NALF1: variants seen among roughly 807,000 people sequenced by gnomAD.
The protein encoded by NALF1 is family with sequence similarity 155 member A.
NALF1 carries 3 observed loss-of-function variants against 48.4 expected under a neutral mutation model. The observed-to-expected ratio is 0.06, with a 90% CI of 0.03 to 0.16. The LOEUF is 0.16. NALF1 is among the 10% of genes least tolerant of loss of function. NALF1 has a pLI of 1.00. For missense variants in NALF1, 526 were observed against 571.5 expected, an observed-to-expected ratio of 0.92 and a Z score of 0.81; for synonymous variants, 262 against 245.7, an observed-to-expected ratio of 1.07 and a Z score of -0.62.
At chr13:107,385,787 A>G (rs1315062357) in intron 1 of NALF1, among the ~76,000 whole-genome samples, 1 of 152,114 alleles carries the variant, frequency 6.6e-6, no homozygotes, top group East Asian at 1.9e-4. Flanking sequence ...ATATTTCTAC[A>G]TTTTTGTCCC....
intron 1 of NALF1, among the ~76,000 whole-genome samples, chr13:107,798,998 C>A (rs1034375502): frequency 2.0e-5 from 3 of 152,174 alleles, no homozygotes; most frequent in Non-Finnish European, 4.4e-5. Flanking sequence ...TAGAGAAATA[C>A]TGAGCCTTAG....
intron 1 of NALF1, among the ~76,000 whole-genome samples, chr13:107,648,735 T>G (rs534292105): frequency 6.6e-6 from 1 of 152,234 alleles, no homozygotes; most frequent in African/African-American, 2.4e-5. Flanking sequence ...GTAAAAATGT[T>G]TAGTTGTGTA....
intron 1 of NALF1, among the ~76,000 whole-genome samples, chr13:107,236,500 G>A (rs114501736): frequency 0.012 from 1,838 of 152,198 alleles, 30 homozygotes; most frequent in African/African-American, 0.042. Context: ...AATCAGAAGA[G>A]TCCCCAGAGC....
At chr13:107,387,165 A>G (rs1399617299) in intron 1 of NALF1, among the ~76,000 whole-genome samples, 2 of 152,196 alleles carry the variant, frequency 1.3e-5, no homozygotes, top group Non-Finnish European at 2.9e-5. Flanking sequence ...AATGTCTTAG[A>G]AATTTCGACG....
At chr13:107,722,350 C>A (rs1167563656) in intron 1 of NALF1, among the ~76,000 whole-genome samples, 1 of 152,082 alleles carries the variant, frequency 6.6e-6, no homozygotes, top group Non-Finnish European at 1.5e-5. Context: ...ACAGAGCAGT[C>A]GCAATCCTTG....
At chr13:107,416,767 T>C (rs1884096119) in intron 1 of NALF1, among the ~76,000 whole-genome samples, 1 of 152,202 alleles carries the variant, frequency 6.6e-6, no homozygotes, top group Non-Finnish European at 1.5e-5. Context: ...GTCACTTGAA[T>C]TATTGTATCC....
intron 1 of NALF1, among the ~76,000 whole-genome samples, chr13:107,685,134 G>A (rs1881403896): frequency 6.6e-6 from 1 of 152,148 alleles, no homozygotes; most frequent in Admixed American, 6.5e-5. Flanking sequence ...CTAACATGGT[G>A]AAGCCCCATG....
intron 1 of NALF1, among the ~76,000 whole-genome samples, chr13:107,323,667 C>T (rs1459955341): frequency 6.6e-6 from 1 of 152,250 alleles, no homozygotes; most frequent in East Asian, 1.9e-4. Context: ...GACTCTAGTA[C>T]CTGTACTACA....
chr13:107,288,822 C>T (rs922991260), intron 1 of NALF1, among the ~76,000 whole-genome samples: 11 of 152,044 alleles, frequency 7.2e-5, no homozygotes, highest in Non-Finnish European at 1.6e-4. Context: ...TGGGAGCCAC[C>T]GCGCCCAGCC....
chr13:107,370,909 G>C (rs1883238123), intron 1 of NALF1, among the ~76,000 whole-genome samples: 2 of 152,126 alleles, frequency 1.3e-5, no homozygotes, highest in African/African-American at 4.8e-5. Context: ...CAGATCTCCT[G>C]AGAACTTGCT....
At chr13:107,664,707 G>C (rs1159332565) in intron 1 of NALF1, among the ~76,000 whole-genome samples, 1 of 152,160 alleles carries the variant, frequency 6.6e-6, no homozygotes, top group African/African-American at 2.4e-5. Context: ...GCATTCTGTG[G>C]AGTTTTAATA....
At chr13:107,419,739 T>C (rs1884154921) in intron 1 of NALF1, among the ~76,000 whole-genome samples, 1 of 152,214 alleles carries the variant, frequency 6.6e-6, no homozygotes, top group Non-Finnish European at 1.5e-5. Flanking sequence ...AGAGGGAAAA[T>C]TATAAAATAT....
chr13:107,534,103 A>G (rs1340720773), intron 1 of NALF1, among the ~76,000 whole-genome samples: 1 of 152,068 alleles, frequency 6.6e-6, no homozygotes, highest in Non-Finnish European at 1.5e-5. Flanking sequence ...GCCCAGTGGC[A>G]TCAGCATCAC....
intron 1 of NALF1, among the ~76,000 whole-genome samples, chr13:107,820,862 A>G (rs943865660): frequency 6.6e-6 from 1 of 152,210 alleles, no homozygotes; most frequent in Non-Finnish European, 1.5e-5. Context: ...GAAACCCGGC[A>G]GCAAAATGCC....
chr13:107,713,872 A>G (rs1164311507), intron 1 of NALF1, among the ~76,000 whole-genome samples: 1 of 152,230 alleles, frequency 6.6e-6, no homozygotes, highest in Non-Finnish European at 1.5e-5. Context: ...AAAACCTTGA[A>G]TTTTAAAAAA....
intron 1 of NALF1, among the ~76,000 whole-genome samples, chr13:107,300,800 G>C (rs1490412579): frequency 6.6e-6 from 1 of 152,062 alleles, no homozygotes; most frequent in East Asian, 1.9e-4. Flanking sequence ...ACCTACCTCT[G>C]GCAGGTTTAA....
intron 1 of NALF1, among the ~76,000 whole-genome samples, chr13:107,441,059 AC>A (rs1240241536): frequency 6.6e-6 from 1 of 152,148 alleles, no homozygotes; most frequent in East Asian, 1.9e-4. Flanking sequence ...CTGTTAGGAT[AC>A]CCTTCAAGTA....
intron 1 of NALF1, among the ~76,000 whole-genome samples, chr13:107,262,732 T>C (rs1880953957): frequency 6.7e-6 from 1 of 149,086 alleles, no homozygotes; most frequent in Non-Finnish European, 1.5e-5. Context: ...GTGAAAGACA[T>C]CCCATGGAAC....
At chr13:107,694,875 C>T (rs1200584946) in intron 1 of NALF1, among the ~76,000 whole-genome samples, 1 of 151,940 alleles carries the variant, frequency 6.6e-6, no homozygotes, top group Non-Finnish European at 1.5e-5. Context: ...TCACTGTAAC[C>T]TCTGCCTCCC....
Sources: allele counts gnomAD v4.1 joint callset (sites outside exome capture counted in the v4.1 genomes callset), GRCh38; gene constraint gnomAD v4.1.1; transcripts MANE v1.5; gene names NCBI Gene and HGNC (gene_info 2026-07-23, HGNC 2026-07-21).